Variants in CPEB2 observed in about 807,000 individuals in gnomAD.
The protein encoded by CPEB2 is cytoplasmic polyadenylation element binding protein 2.
A neutral mutation model predicts 93.6 loss-of-function variants in CPEB2; 56 were observed. The ratio of observed to expected loss-of-function variants is 0.60; its 90% CI spans 0.48 to 0.75. The LOEUF is 0.75. CPEB2 is among the 30% of genes least tolerant of loss of function. CPEB2 has a pLI of 0.00. For missense variants in CPEB2, 1,579 were observed against 1,395.1 expected (o/e 1.13, Z -2.10); for synonymous variants, 764 against 586.3 (o/e 1.30, Z -4.38).
chr4:15,031,549 A>T, intron 4 of CPEB2, among the ~76,000 whole-genome samples: 1 of 152,204 alleles, frequency 6.6e-6, no homozygotes, highest in Non-Finnish European at 1.5e-5. Flanking sequence ...GTTTTAGAGT[A>T]TGACAACTTT....
chr4:15,029,504 G>A (rs2109020894), intron 4 of CPEB2, among the ~76,000 whole-genome samples: 1 of 152,026 alleles, frequency 6.6e-6, no homozygotes, highest in African/African-American at 2.4e-5. Flanking sequence ...AAGAGCTAGT[G>A]TATACTCTTT....
intron 4 of CPEB2, among the ~76,000 whole-genome samples, chr4:15,018,119 T>C (rs181390468): frequency 1.4e-4 from 21 of 152,034 alleles, no homozygotes; most frequent in Non-Finnish European, 1.5e-5. Flanking sequence ...AACTATTTTA[T>C]TCTGGCTCAA....
rs1471061421 is a variant in CPEB2, at chr4:15,069,002, T to C, written c.*2622T>C. 2 of 152,066 alleles carry C rather than the reference T, an allele frequency of 1.3e-5. No homozygotes were observed. The highest frequency in any genetic ancestry group is 1.5e-5 in the Non-Finnish European group (1 of 67,792). 9.4% of individuals were successfully genotyped at this position (152,066 alleles called of 1,614,324 possible). On this transcript the variant is annotated 3_prime_UTR_variant, in exon 12 of 12. Coordinates refer to ENST00000538197, the MANE Select transcript of CPEB2 (RefSeq NM_001177382.2). ...AGGTTTTTTTTTAATTTACAGATCA[T>C]ATTTATTTTACTATTTTTGTAGAAA...
chr4:15,031,713 T>C (rs970552044), intron 4 of CPEB2, among the ~76,000 whole-genome samples: 3 of 152,204 alleles, frequency 2.0e-5, no homozygotes, highest in African/African-American at 7.2e-5. Flanking sequence ...AGGTGAAGTG[T>C]GTATATGTAT....
At chr4:15,030,560 G>T (rs185552326) in intron 4 of CPEB2, among the ~76,000 whole-genome samples, 5 of 152,156 alleles carry the variant, frequency 3.3e-5, no homozygotes, top group Admixed American at 2.0e-4. Flanking sequence ...GGTTTTTAGC[G>T]AAAGTACTTT....
intron 7 of CPEB2, among the ~76,000 whole-genome samples, chr4:15,052,887 A>G (rs1238359198): frequency 6.6e-6 from 1 of 152,080 alleles, no homozygotes; most frequent in Non-Finnish European, 1.5e-5. Context: ...ATATTTAGGT[A>G]TATAAAACTT....
chr4:15,051,945 G>A (rs1432624479), intron 6 of CPEB2, among the ~76,000 whole-genome samples: 1 of 152,198 alleles, frequency 6.6e-6, no homozygotes. Flanking sequence ...AATAAATTAG[G>A]TGAAGACCTT....
intron 10 of CPEB2, 140 bp downstream of exon 10, chr4:15,059,441 A>C: frequency 2.1e-6 from 1 of 469,170 alleles, no homozygotes; most frequent in Non-Finnish European, 3.8e-6. Flanking sequence ...AATTGCTGCT[A>C]ACTACAGAAT....
intron 3 of CPEB2, among the ~76,000 whole-genome samples, chr4:15,012,435 G>T (rs1723610806): frequency 6.6e-6 from 1 of 152,116 alleles, no homozygotes; most frequent in Non-Finnish European, 1.5e-5. Context: ...CATTCATTCT[G>T]TATGTTAGTG....
rs1728505054 is a variant in CPEB2, at chr4:15,054,144, C to T, written c.2388C>T (p.Ser796=). 2.5e-6 allele frequency: 4 copies of T among 1,608,878 alleles called. No homozygotes were observed. The highest frequency in any genetic ancestry group is 3.4e-6 in the Non-Finnish European group (4 of 1,177,622). The change falls in exon 8 of 12, where the codon AGC becomes AGT. Residue 796 remains serine, a synonymous_variant. Coordinates refer to ENST00000538197, the MANE Select transcript of CPEB2 (RefSeq NM_001177382.2). ...TTTCTTAAGATGAAATAACTGCTAG[C>T]TTCAGAAGATTTGGGCCTTTGGTAG... ...PDIDEDEITA[S]FRRFGPLVVD... is the part of the protein sequence containing the mutation.
chr4:15,009,160 T>TA (rs1407608746), intron 3 of CPEB2, among the ~76,000 whole-genome samples: 1 of 152,228 alleles, frequency 6.6e-6, no homozygotes, highest in Non-Finnish European at 1.5e-5. Flanking sequence ...GGTTCTTTCT[T>TA]ACAGAGCTCA....
rs1415611031 is a variant in CPEB2, at chr4:15,003,860, A to AGCC, written c.1195_1197dup (p.Pro399dup). 2.4e-6 allele frequency: 2 copies of AGCC among 844,112 alleles called. No homozygotes were observed. The highest frequency in any genetic ancestry group is 3.1e-6 in the Non-Finnish European group (2 of 638,986). 52.3% of individuals were successfully genotyped at this position (844,112 alleles called of 1,614,324 possible). On this transcript the variant is annotated inframe_insertion, in exon 1 of 12. Coordinates refer to ENST00000538197, the MANE Select transcript of CPEB2 (RefSeq NM_001177382.2). ...GCGTCGCCGCCACCCCAGCCCCAGC[A>AGCC]GCCGCCGCCGACCCAGCCGCAGCAG...
intron 6 of CPEB2, among the ~76,000 whole-genome samples, chr4:15,051,857 G>A (rs188534237): frequency 2.8e-4 from 43 of 152,296 alleles, no homozygotes; most frequent in African/African-American, 7.5e-4. Context: ...GGGCACTAAC[G>A]TGCTAGAGGG....
intron 8 of CPEB2, among the ~76,000 whole-genome samples, chr4:15,056,181 A>G (rs1222128662): frequency 2.6e-5 from 4 of 152,190 alleles, no homozygotes; most frequent in African/African-American, 9.7e-5. Flanking sequence ...AAAAAATACT[A>G]TAGGGTGGAG....
chr4:15,003,559 TC>T lies in CPEB2; in HGVS notation c.891del (p.Asn298MetfsTer10). The T allele has an allele frequency of 2.1e-6, 3 of 1,458,118 alleles. No individual in the cohort carries two copies. Among genetic ancestry groups the T allele is most frequent in the Non-Finnish European group, 1.8e-6 (2 of 1,108,160 alleles). The allele number at this position is 1,458,118 out of a possible 1,614,324, so 90.3% of individuals were successfully genotyped here. A position where few individuals can be genotyped will look rare whatever the true frequency, so the allele number is the denominator to read the frequency against. On this transcript the variant is annotated frameshift_variant, in exon 1 of 12. Coordinates refer to ENST00000538197, the MANE Select transcript of CPEB2 (RefSeq NM_001177382.2). LOFTEE classifies it high-confidence loss of function. Reference sequence around the variant, plus strand: ...CGCGGGCGAGGGCAGCGCCGCCGAGTCCCCCAATGCGGGCTTGGCCTCCTCG... The same window carrying T: ...CGCGGGCGAGGGCAGCGCCGCCGAGTCCCCAATGCGGGCTTGGCCTCCTCG... ...PAAGEGSAAE[S>X]PNAGLASSTP...
At chr4:15,035,551 T>G (rs1427005040) in intron 5 of CPEB2, among the ~76,000 whole-genome samples, 1 of 152,160 alleles carries the variant, frequency 6.6e-6, no homozygotes, top group East Asian at 1.9e-4. Context: ...ATACATGAAG[T>G]TGGATATGTC....
intron 5 of CPEB2, among the ~76,000 whole-genome samples, chr4:15,033,993 A>G (rs751209057): frequency 6.6e-6 from 1 of 152,224 alleles, no homozygotes; most frequent in Non-Finnish European, 1.5e-5. Flanking sequence ...TAAGATGGCA[A>G]TGAAGTTGAG....
intron 3 of CPEB2, among the ~76,000 whole-genome samples, 189 bp from the exon 4 acceptor site, chr4:15,016,999 A>G (rs1037784953): frequency 7.2e-5 from 11 of 152,014 alleles, no homozygotes; most frequent in African/African-American, 2.4e-4. Context: ...TATACTGAAA[A>G]TAATGTCCTC....
At chr4:15,031,760 T>G (rs1726126651) in intron 4 of CPEB2, among the ~76,000 whole-genome samples, 1 of 152,204 alleles carries the variant, frequency 6.6e-6, no homozygotes, top group South Asian at 2.1e-4. Context: ...TCATATATAT[T>G]TATGTATTTT....
Sources: allele counts gnomAD v4.1 joint callset (sites outside exome capture counted in the v4.1 genomes callset), GRCh38; gene constraint gnomAD v4.1.1; transcripts MANE v1.5; gene names NCBI Gene and HGNC (gene_info 2026-07-23, HGNC 2026-07-21).